Variants in SVOPL observed in about 807,000 individuals in gnomAD.
SVOPL encodes putative transporter SVOPL.
SVOPL carries 60 observed loss-of-function variants against 61.0 expected under a neutral mutation model. The ratio of observed to expected loss-of-function variants is 0.98; its 90% CI spans 0.80 to 1.22. The LOEUF is 1.22. Among genes scored for constraint, SVOPL ranks in the 50% most tolerant of loss-of-function variants. The probability of loss-of-function intolerance (pLI) is 0.00; values close to 1 mark genes in which losing one functional copy is unlikely to be tolerated. For synonymous variants in SVOPL, 279 were observed against 250.0 expected (o/e 1.12, Z -1.09); for missense variants, 662 against 643.9 (o/e 1.03, Z -0.30).
rs568477617 is a variant in SVOPL, at chr7:138,674,312, G to A, written c.175-2195C>T. The stretch of plus-strand genomic sequence containing the variant: ...TTATATACACCGTCACACGAGGCCC[G>A]GAAACCCAACTGCTGCTTCTATGGC... On this transcript the variant is annotated intron_variant, in intron 3 of 15. Transcript: ENST00000674285. 1.8e-4 allele frequency among the ~76,000 whole-genome samples: 28 copies of A among 151,994 alleles called. No homozygotes were observed. The South Asian group carries it at 4.8e-3, about 26-fold the overall frequency.
intron 7 of SVOPL, among the ~76,000 whole-genome samples, chr7:138,654,451 C>T (rs1462387091): frequency 6.7e-6 from 1 of 148,726 alleles, no homozygotes; most frequent in African/African-American, 2.5e-5. Context: ...AATAGAACAA[C>T]AAAACCTGGA....
chr7:138,665,705 C>G lies in SVOPL; in HGVS notation c.274-2560G>C, dbSNP rs141030855. On this transcript the variant is annotated intron_variant, in intron 4 of 15. Transcript: ENST00000674285. ...CTGGATCTCCAGCATTCTCAAGGATCTAAGAGGTGCATATACACAAGCCAA... is the reference window on the plus strand; with the variant it reads ...CTGGATCTCCAGCATTCTCAAGGATGTAAGAGGTGCATATACACAAGCCAA... Among the ~76,000 whole-genome samples the G allele has an allele frequency of 1.2e-3, 188 of 152,234 alleles. 1 individual carries two copies. In the Middle Eastern group the frequency reaches 0.024, roughly 19 times the overall value.
At chr7:138,638,237 T>TAC (rs1800594829) in intron 9 of SVOPL, among the ~76,000 whole-genome samples, 1 of 138,144 alleles carries the variant, frequency 7.2e-6, no homozygotes, top group Admixed American at 7.8e-5. Flanking sequence ...GGCGCCACTG[T>TAC]ACTCTAGCCT....
chr7:138,627,567 A>G lies in SVOPL; in HGVS notation c.1070-106T>C. The G allele has an allele frequency of 6.3e-6, 5 of 797,852 alleles. No individual in the cohort carries two copies. In the South Asian group the frequency reaches 6.3e-5, roughly 10 times the overall value. 49.4% of individuals were successfully genotyped at this position (797,852 alleles called of 1,614,324 possible). The stretch of plus-strand genomic sequence containing the variant: ...TGTCGTTTCAGAAAGAAGCAACTTC[A>G]TCCAAACCTCACGAGTATTCCAGCC... On this transcript the variant is annotated intron_variant, in intron 11 of 15. Transcript: ENST00000674285.
chr7:138,610,386 T>C (rs1434226472), intron 14 of SVOPL, among the ~76,000 whole-genome samples: 1 of 152,018 alleles, frequency 6.6e-6, no homozygotes, highest in African/African-American at 2.4e-5. Context: ...TCACTAACAA[T>C]GTATATGCAT....
chr7:138,679,003 G>A lies in SVOPL; in HGVS notation c.43C>T (p.Arg15Trp), dbSNP rs954996539. The stretch of plus-strand genomic sequence containing the variant: ...TCTGCGGTCCCCAGGCTCAATTTCC[G>A]AAGGCTGAGGATCGTGACAGGCTCT... ...PTEPVTILSL[R>W]KLSLGTAEPQ... The change falls in exon 2 of 16, where the codon CGG (arginine) becomes TGG (tryptophan). Residue 15 changes from arginine (R) to tryptophan (W), a missense_variant. Physicochemically the swap from Arg to Trp is moderately radical, Grantham distance 101. Coordinates refer to ENST00000674285, the MANE Select transcript of SVOPL (RefSeq NM_001139456.2). The A allele has an allele frequency of 5.5e-5, 85 of 1,551,516 alleles. 1 individual carries two copies. The East Asian group carries it at 1.4e-3, about 25-fold the overall frequency.
At chr7:138,668,289 T>G (rs1056226582) in intron 4 of SVOPL, among the ~76,000 whole-genome samples, 2 of 152,136 alleles carry the variant, frequency 1.3e-5, no homozygotes, top group Admixed American at 1.3e-4. Context: ...TCAGGGAGAC[T>G]GATTTGAATA....
At chr7:138,615,859 TAAAAC>T (rs1799273463) in intron 14 of SVOPL, among the ~76,000 whole-genome samples, 1 of 142,880 alleles carries the variant, frequency 7.0e-6, no homozygotes, top group Non-Finnish European at 1.6e-5. Flanking sequence ...TTTTAAAAAA[TAAAAC>T]AAAAATAAAA....
At chr7:138,670,959 A>G (rs1802399493) in intron 4 of SVOPL, among the ~76,000 whole-genome samples, 1 of 152,246 alleles carries the variant, frequency 6.6e-6, no homozygotes, top group South Asian at 2.1e-4. Context: ...CTATGATAGA[A>G]GGTGAACTTT....
At chr7:138,688,610 A>G (rs189661360) in intron 1 of SVOPL, among the ~76,000 whole-genome samples, 1 of 152,206 alleles carries the variant, frequency 6.6e-6, no homozygotes, top group Admixed American at 6.6e-5. Flanking sequence ...TGTTTCTCAT[A>G]CTTTATAATT....
intron 9 of SVOPL, among the ~76,000 whole-genome samples, chr7:138,637,728 G>C (rs1166677833): frequency 6.6e-6 from 1 of 152,050 alleles, no homozygotes; most frequent in East Asian, 1.9e-4. Context: ...AAGGCAGGCA[G>C]ATCACTTGAG....
chr7:138,696,899 C>T (rs74588768), intron 1 of SVOPL, among the ~76,000 whole-genome samples: 4,890 of 152,246 alleles, frequency 0.032, 274 homozygotes, highest in African/African-American at 0.11. Flanking sequence ...CACATGCCCC[C>T]ACCTGCTCTC....
chr7:138,633,007 A>G (rs1292859312), intron 9 of SVOPL, among the ~76,000 whole-genome samples: 2 of 152,160 alleles, frequency 1.3e-5, no homozygotes, highest in African/African-American at 4.8e-5. Flanking sequence ...TCTATAAACC[A>G]TAATAGCTTT....
At chr7:138,616,945 C>A (rs148391807) in intron 14 of SVOPL, among the ~76,000 whole-genome samples, 256 of 152,270 alleles carry the variant, frequency 1.7e-3, no homozygotes, top group African/African-American at 5.8e-3. Flanking sequence ...TGCCATCATG[C>A]CTGGCTGGAA....
chr7:138,611,137 G>A (rs1297968580), intron 14 of SVOPL, among the ~76,000 whole-genome samples: 4 of 152,164 alleles, frequency 2.6e-5, no homozygotes, highest in Non-Finnish European at 2.9e-5. Context: ...AGCACTTTTC[G>A]GAAGCCAAGG....
intron 1 of SVOPL, among the ~76,000 whole-genome samples, chr7:138,686,701 C>A (rs1172844661): frequency 2.0e-5 from 3 of 151,052 alleles, no homozygotes; most frequent in Non-Finnish European, 3.0e-5. Context: ...GAGTAGCATG[C>A]CTGTAATCAT....
At position 138,621,882 on chromosome 7, in the gene SVOPL, C is replaced by CTATG. The variant is rs1563095619; in HGVS notation, c.1264-748_1264-747insCATA. 8.6e-4 allele frequency among the ~76,000 whole-genome samples: 45 copies of CTATG among 52,158 alleles called. 1 individual carries two copies. The highest frequency in any genetic ancestry group is 3.0e-3 in the African/African-American group (41 of 13,808). The allele number at this position is 52,158 out of a possible 152,430, so 34.2% of individuals were successfully genotyped here. On this transcript the variant is annotated intron_variant, in intron 13 of 15. Coordinates refer to ENST00000674285, the MANE Select transcript of SVOPL (RefSeq NM_001139456.2). ...TCTATCTATCTATCTATCTATCTATCTATCTATCTATCTATCTATCTATGT... is the reference window on the plus strand; with the variant it reads ...TCTATCTATCTATCTATCTATCTATCTATGTATCTATCTATCTATCTATCTATGT...
chr7:138,627,946 C>T (rs1171986862), intron 11 of SVOPL, among the ~76,000 whole-genome samples: 1 of 152,180 alleles, frequency 6.6e-6, no homozygotes, highest in African/African-American at 2.4e-5. Context: ...AAACACCTTA[C>T]AATTGATAGA....
intron 14 of SVOPL, chr7:138,597,029 G>A: frequency 8.6e-7 from 1 of 1,156,072 alleles, no homozygotes; most frequent in Non-Finnish European, 1.1e-6. Context: ...TCCGGTTATG[G>A]AGTTGTGTGA....
Sources: gnomAD v4.1 joint callset for allele counts (sites outside exome capture counted in the v4.1 genomes callset) on GRCh38, gnomAD v4.1.1 for gene constraint, MANE v1.5 for transcripts, NCBI Gene and HGNC (gene_info 2026-07-23, HGNC 2026-07-21) for gene names.